The following WIPF1 variants were observed in gnomAD, a reference collection of about 807,000 sequenced individuals.
WIPF1 encodes WAS/WASL interacting protein family member 1, also known as WAS/WASL-interacting protein family member 1.
In WIPF1, 13 loss-of-function variants were observed where a neutral mutation model predicts 35.4. The ratio of observed to expected loss-of-function variants is 0.37; its 90% CI spans 0.24 to 0.58. The LOEUF (loss-of-function observed/expected upper bound fraction) is 0.58, where lower values mean the gene tolerates loss of function less well. WIPF1 is among the 20% of genes least tolerant of loss of function. WIPF1 has a pLI of 0.74. For synonymous variants in WIPF1, 267 were observed against 266.3 expected (o/e 1.00, Z -0.02); for missense variants, 591 against 667.0 (o/e 0.89, Z 1.25).
intron 1 of WIPF1, among the ~76,000 whole-genome samples, chr2:174,627,493 T>C (rs1686881328): frequency 6.7e-6 from 1 of 149,092 alleles, no homozygotes; most frequent in Non-Finnish European, 1.5e-5. Context: ...TTCCCTCCCT[T>C]CCTTCCTCCC....
chr2:174,568,337 AGTGAAATTGAAAACAG>A (rs1205744896), intron 5 of WIPF1, among the ~76,000 whole-genome samples: 7 of 152,252 alleles, frequency 4.6e-5, no homozygotes, highest in African/African-American at 1.7e-4. Context: ...GAGATGGCAC[AGTGAAATTGAAAACAG>A]GTGAAAATCT....
chr2:174,624,616 A>G (rs1017928948), intron 1 of WIPF1, among the ~76,000 whole-genome samples: 5 of 152,322 alleles, frequency 3.3e-5, no homozygotes, highest in East Asian at 1.9e-4. Context: ...TTAACAACCA[A>G]TGAGGCACAG....
At chr2:174,605,476 C>CTTG (rs1686132249) in intron 1 of WIPF1, among the ~76,000 whole-genome samples, 3 of 151,884 alleles carry the variant, frequency 2.0e-5, no homozygotes, top group Admixed American at 2.0e-4. Flanking sequence ...GTAGATGTTA[C>CTTG]TTGGATCCTG....
intron 1 of WIPF1, among the ~76,000 whole-genome samples, chr2:174,606,968 C>A (rs757393487): frequency 2.0e-5 from 3 of 152,136 alleles, no homozygotes; most frequent in Non-Finnish European, 4.4e-5. Flanking sequence ...GCCTTCTTGC[C>A]GTGTCATTAC....
At position 174,594,717 on chromosome 2, in the gene WIPF1, A is replaced by C. The variant is rs1331049367; in HGVS notation, c.-39+2884T>G. 1.3e-4 allele frequency among the ~76,000 whole-genome samples: 17 copies of C among 128,604 alleles called. 4 individuals are homozygous for C. Among genetic ancestry groups the C allele is most frequent in the African/African-American group, 4.1e-4 (15 of 36,326 alleles). The allele number at this position is 128,604 out of a possible 152,430, so 84.4% of individuals were successfully genotyped here. On this transcript the variant is annotated intron_variant, in intron 1 of 7. Transcript: ENST00000679041. ...CTCTCTCTCTCTCTCTCACACACAC[A>C]TACACACACAGCATATATGTCAGCA... is the stretch of plus-strand genomic sequence containing the variant.
intron 1 of WIPF1, among the ~76,000 whole-genome samples, chr2:174,669,546 A>G (rs1687962202): frequency 6.6e-6 from 1 of 152,258 alleles, no homozygotes; most frequent in Non-Finnish European, 1.5e-5. Flanking sequence ...CAAGTAGTTC[A>G]CAATCTAATG....
intron 1 of WIPF1, among the ~76,000 whole-genome samples, chr2:174,638,660 T>A (rs564958785): frequency 6.6e-6 from 1 of 152,204 alleles, no homozygotes; most frequent in African/African-American, 2.4e-5. Context: ...TCTGTCTTTC[T>A]GTGTCTGCCT....
intron 1 of WIPF1, among the ~76,000 whole-genome samples, chr2:174,636,361 A>G (rs576652971): frequency 2.6e-5 from 4 of 152,158 alleles, no homozygotes; most frequent in South Asian, 2.1e-4. Flanking sequence ...CTGGTTAGGC[A>G]TTTAAAAATT....
intron 2 of WIPF1, among the ~76,000 whole-genome samples, chr2:174,583,996 A>C (rs1559151441): frequency 6.6e-6 from 1 of 151,902 alleles, no homozygotes; most frequent in African/African-American, 2.4e-5. Context: ...GCTAATTTTT[A>C]ACATTTTTTT....
At chr2:174,673,059 G>A (rs1370152490) in intron 1 of WIPF1, among the ~76,000 whole-genome samples, 1 of 152,116 alleles carries the variant, frequency 6.6e-6, no homozygotes, top group Non-Finnish European at 1.5e-5. Context: ...CAGCATATGG[G>A]GGCCTCAAAA....
At chr2:174,609,496 C>G (rs1451188336) in intron 1 of WIPF1, among the ~76,000 whole-genome samples, 2 of 152,116 alleles carry the variant, frequency 1.3e-5, no homozygotes, top group Non-Finnish European at 2.9e-5. Flanking sequence ...GTCACACCCA[C>G]CGTGATCCTA....
Position 174,662,341 on chromosome 2 carries a change from G to A in WIPF1, c.-39+20433C>T, listed in dbSNP as rs138802797. Reference sequence around the variant, plus strand: ...ATCCTCGCTTGGCTGGACTGCGGATGTAGAGGGTCAACTGTTCCCCATACA... The same window carrying A: ...ATCCTCGCTTGGCTGGACTGCGGATATAGAGGGTCAACTGTTCCCCATACA... On this transcript the variant is annotated intron_variant, in intron 1 of 8. Transcript: ENST00000272746. 1.5e-3 allele frequency among the ~76,000 whole-genome samples: 227 copies of A among 152,338 alleles called. 2 individuals are homozygous for A. The Middle Eastern group carries it at 0.024, about 16-fold the overall frequency.
chr2:174,573,893 T>C (rs1038293782), intron 4 of WIPF1, among the ~76,000 whole-genome samples: 2 of 145,642 alleles, frequency 1.4e-5, no homozygotes, highest in Non-Finnish European at 3.0e-5. Flanking sequence ...TTCTTCTTCT[T>C]TTTTTTTTTT....
chr2:174,667,179 C>T (rs1335110281), intron 1 of WIPF1, among the ~76,000 whole-genome samples: 1 of 152,170 alleles, frequency 6.6e-6, no homozygotes, highest in Non-Finnish European at 1.5e-5. Context: ...TGAGCGAGGC[C>T]CGAAGGGAGG....
intron 1 of WIPF1, among the ~76,000 whole-genome samples, chr2:174,637,544 T>C (rs1248038981): frequency 6.6e-6 from 1 of 152,148 alleles, no homozygotes; most frequent in Admixed American, 6.5e-5. Flanking sequence ...TCCCAGCACT[T>C]TGGGAGGCCT....
chr2:174,652,358 C>T (rs999505627), intron 1 of WIPF1, among the ~76,000 whole-genome samples: 1 of 152,166 alleles, frequency 6.6e-6, no homozygotes, highest in Admixed American at 6.5e-5. Context: ...ATATGAGCCA[C>T]TAAGTGTCTG....
intron 1 of WIPF1, among the ~76,000 whole-genome samples, chr2:174,637,269 C>A (rs1184192522): frequency 6.6e-6 from 1 of 152,028 alleles, no homozygotes; most frequent in Non-Finnish European, 1.5e-5. Flanking sequence ...TACTTCCTCA[C>A]TTTCCAGCAC....
At chr2:174,628,046 T>C (rs1374637349) in intron 1 of WIPF1, among the ~76,000 whole-genome samples, 1 of 152,076 alleles carries the variant, frequency 6.6e-6, no homozygotes, top group Non-Finnish European at 1.5e-5. Context: ...CAGAGCGTTA[T>C]CATAGAGGTC....
chr2:174,567,393 T>C (rs529408738), intron 6 of WIPF1, among the ~76,000 whole-genome samples: 1 of 152,168 alleles, frequency 6.6e-6, no homozygotes, highest in Admixed American at 6.5e-5. Flanking sequence ...AGCAAAGTGG[T>C]TTTAGTGAGA....
Sources: gnomAD v4.1 joint callset for allele counts (sites outside exome capture counted in the v4.1 genomes callset) on GRCh38, gnomAD v4.1.1 for gene constraint, MANE v1.5 for transcripts, NCBI Gene and HGNC (gene_info 2026-07-23, HGNC 2026-07-21) for gene names.